Variants in SHISA9 observed in about 807,000 individuals in gnomAD.
The protein encoded by SHISA9 is shisa family member 9, also known as protein shisa-9.
A neutral mutation model predicts 38.0 loss-of-function variants in SHISA9; 13 were observed. The ratio of observed to expected loss-of-function variants is 0.34; its 90% confidence interval spans 0.22 to 0.54. The LOEUF (loss-of-function observed/expected upper bound fraction) is 0.54. SHISA9 is among the 20% of genes least tolerant of loss of function. The probability of loss-of-function intolerance (pLI) is 0.91; values close to 1 mark genes in which losing one functional copy is unlikely to be tolerated. For synonymous variants in SHISA9, 275 were observed against 242.0 expected, an observed-to-expected ratio of 1.14 and a Z score of -1.27; for missense variants, 538 against 575.8, an observed-to-expected ratio of 0.93 and a Z score of 0.67.
chr16:13,228,811 C>T (rs1050058483), intron 4 of SHISA9, among the ~76,000 whole-genome samples: 2 of 152,022 alleles, frequency 1.3e-5, no homozygotes, highest in Admixed American at 6.6e-5. Context: ...GGTATTAAAC[C>T]TAGTACTTAT....
At chr16:12,966,093 G>A (rs1223281454) in intron 2 of SHISA9, among the ~76,000 whole-genome samples, 1 of 152,184 alleles carries the variant, frequency 6.6e-6, no homozygotes, top group African/African-American at 2.4e-5. Flanking sequence ...GATGCCATTA[G>A]CATTTCCCAA....
At chr16:13,430,354 C>G in the SHISA9 span, among the ~76,000 whole-genome samples, 2 of 152,122 alleles carry the variant, frequency 1.3e-5, no homozygotes, top group African/African-American at 4.8e-5. Flanking sequence ...TAACTTGATT[C>G]TTATGTATTT....
intron 2 of SHISA9, among the ~76,000 whole-genome samples, chr16:12,938,677 A>G (rs993011954): frequency 6.7e-6 from 1 of 150,316 alleles, no homozygotes; most frequent in Admixed American, 6.6e-5. Context: ...TTTTTTTTGT[A>G]TTTTTAGTAG....
chr16:13,106,803 T>C (rs1040901062), intron 2 of SHISA9, among the ~76,000 whole-genome samples: 3 of 151,930 alleles, frequency 2.0e-5, no homozygotes, highest in African/African-American at 7.2e-5. Context: ...ACCATGTAAA[T>C]AGTGAGCTGT....
At chr16:13,538,709 A>G in the SHISA9 span, among the ~76,000 whole-genome samples, 3 of 152,232 alleles carry the variant, frequency 2.0e-5, no homozygotes, top group East Asian at 5.8e-4. Flanking sequence ...CCCACACTGT[A>G]GCATTTCAAT....
chr16:13,080,337 C>A (rs1000022184), intron 2 of SHISA9, among the ~76,000 whole-genome samples: 1 of 152,188 alleles, frequency 6.6e-6, no homozygotes, highest in Non-Finnish European at 1.5e-5. Flanking sequence ...TGCGCCACTG[C>A]ACTTCAGCCT....
At chr16:12,919,752 C>T (rs561775253) in intron 2 of SHISA9, among the ~76,000 whole-genome samples, 39 of 152,286 alleles carry the variant, frequency 2.6e-4, no homozygotes, top group Admixed American at 8.5e-4. Flanking sequence ...TATCTAAAGA[C>T]GGATTTTTCT....
the SHISA9 span, among the ~76,000 whole-genome samples, chr16:13,542,644 C>T: frequency 6.6e-6 from 1 of 152,202 alleles, no homozygotes; most frequent in South Asian, 2.1e-4. Flanking sequence ...TGTTGCCTCA[C>T]CCCTATTTCC....
At chr16:13,162,870 G>C (rs153088) in intron 2 of SHISA9, among the ~76,000 whole-genome samples, 110,319 of 151,910 alleles carry the variant, frequency 0.73, 40,341 homozygotes, top group East Asian at 0.92. Context: ...AAGGGGTTTT[G>C]AGCACATCTT....
chr16:13,442,859 A>C, the SHISA9 span, among the ~76,000 whole-genome samples: 1 of 152,200 alleles, frequency 6.6e-6, no homozygotes, highest in Non-Finnish European at 1.5e-5. Context: ...GGGAGTGTAT[A>C]CTAAGTTTGC....
chr16:13,491,451 A>C, the SHISA9 span, among the ~76,000 whole-genome samples: 1 of 151,506 alleles, frequency 6.6e-6, no homozygotes, highest in East Asian at 1.9e-4. Context: ...AGTGTCAAGT[A>C]ACCTGTTGAG....
rs971422022 is a variant in SHISA9 at position 13,207,082 on chromosome 16, G to A, written c.847+3533G>A. 3.3e-4 allele frequency among the ~76,000 whole-genome samples: 50 copies of A among 152,170 alleles called. 3 individuals carry two copies. Among genetic ancestry groups the A allele is most frequent in the Non-Finnish European group, 4.4e-5 (3 of 68,040 alleles). ...AGTTGAAGACCGGCTTGGCCAATAT[G>A]GCAAAACCCTGTCTCTACTAAAAAT... On this transcript the variant is annotated intron_variant, in intron 3 of 4. Coordinates refer to ENST00000558583, the MANE Select transcript of SHISA9 (RefSeq NM_001145204.3).
At chr16:13,528,563 A>G in the SHISA9 span, among the ~76,000 whole-genome samples, 2 of 152,196 alleles carry the variant, frequency 1.3e-5, no homozygotes, top group Non-Finnish European at 2.9e-5. Context: ...TGAATCCCAA[A>G]AAGAAAGAAA....
rs150075096 is a variant in SHISA9, at chr16:12,980,192, T to C, written c.691+63377T>C. ...GTCAAACTTTACCAAGGCATTTGATTATATGCATCTGTACATCTGGTACCA... is the reference window on the plus strand; with the variant it reads ...GTCAAACTTTACCAAGGCATTTGATCATATGCATCTGTACATCTGGTACCA... On this transcript the variant is annotated intron_variant, in intron 2 of 4. Transcript: ENST00000558583. Among the ~76,000 whole-genome samples, 937 of 152,334 alleles carry C rather than the reference T, an allele frequency of 6.2e-3. 11 individuals are homozygous for C. The highest frequency in any genetic ancestry group is 0.021 in the African/African-American group (888 of 41,580).
chr16:13,457,450 A>G, the SHISA9 span, among the ~76,000 whole-genome samples: 1,520 of 152,148 alleles, frequency 1.0e-2, 24 homozygotes, highest in African/African-American at 0.035. Flanking sequence ...CTAACTGTAC[A>G]GTCATCAGAC....
At chr16:12,912,588 GA>G (rs1567336457) in intron 1 of SHISA9, among the ~76,000 whole-genome samples, 2 of 152,140 alleles carry the variant, frequency 1.3e-5, no homozygotes, top group South Asian at 4.1e-4. Context: ...GTTTACAAGT[GA>G]AAAAGGCAAG....
chr16:13,085,949 A>G (rs1291654711), intron 2 of SHISA9, among the ~76,000 whole-genome samples: 1 of 152,246 alleles, frequency 6.6e-6, no homozygotes, highest in African/African-American at 2.4e-5. Context: ...TAAAATGATC[A>G]AAGAGAATTT....
At chr16:13,520,088 C>G in the SHISA9 span, among the ~76,000 whole-genome samples, 3 of 152,154 alleles carry the variant, frequency 2.0e-5, no homozygotes, top group South Asian at 2.1e-4. Context: ...TCTGCAAGAA[C>G]CAGGAGTAAC....
intron 2 of SHISA9, among the ~76,000 whole-genome samples, chr16:13,024,608 A>C (rs191314952): frequency 1.6e-4 from 24 of 152,368 alleles, no homozygotes; most frequent in African/African-American, 3.1e-4. Flanking sequence ...TAGAAAGAGA[A>C]AGTTGAAATG....
Sources: gnomAD v4.1 joint callset for allele counts (sites outside exome capture counted in the v4.1 genomes callset) on GRCh38, gnomAD v4.1.1 for gene constraint, MANE v1.5 for transcripts, NCBI Gene and HGNC (gene_info 2026-07-23, HGNC 2026-07-21) for gene names.